The following MAGI2 variants were observed in gnomAD, a reference collection of about 807,000 sequenced individuals.
The protein encoded by MAGI2 is membrane associated guanylate kinase, WW and PDZ domain containing 2.
Under a neutral mutation model 133.3 loss-of-function variants are expected in MAGI2, and 35 were observed. The ratio of observed to expected loss-of-function variants is 0.26; its 90% CI spans 0.20 to 0.35. The LOEUF is 0.35. Ranked by LOEUF, MAGI2 falls within the 10% of genes least tolerant of loss-of-function variation. MAGI2 has a pLI of 1.00. For synonymous variants in MAGI2, 729 were observed against 710.6 expected (o/e 1.03, Z -0.41); for missense variants, 1,636 against 1,863.4 (o/e 0.88, Z 2.25).
At chr7:78,820,018 AG>A (rs1789949935) in intron 2 of MAGI2, among the ~76,000 whole-genome samples, 1 of 152,032 alleles carries the variant, frequency 6.6e-6, no homozygotes, top group African/African-American at 2.4e-5. Context: ...GTATGTGGGC[AG>A]GAAGAGTGAA....
intron 10 of MAGI2, among the ~76,000 whole-genome samples, chr7:78,209,808 G>A (rs1438668887): frequency 6.6e-6 from 1 of 152,106 alleles, no homozygotes; most frequent in East Asian, 1.9e-4. Flanking sequence ...AAACCTACAA[G>A]GCTCTGAAGA....
intron 1 of MAGI2, among the ~76,000 whole-genome samples, chr7:79,267,768 A>C (rs1834586902): frequency 6.6e-6 from 1 of 152,180 alleles, no homozygotes; most frequent in Admixed American, 6.5e-5. Flanking sequence ...AATCATACAA[A>C]ATTTGAGACT....
At chr7:79,010,386 T>A (rs1031249847) in intron 1 of MAGI2, among the ~76,000 whole-genome samples, 1 of 152,106 alleles carries the variant, frequency 6.6e-6, no homozygotes, top group African/African-American at 2.4e-5. Flanking sequence ...GGCAATGATG[T>A]CCTCAAAAAG....
chr7:78,549,556 G>A (rs895274068), intron 3 of MAGI2, among the ~76,000 whole-genome samples: 3 of 152,004 alleles, frequency 2.0e-5, no homozygotes, highest in Admixed American at 2.0e-4. Flanking sequence ...GGCTCATAGT[G>A]CTCCATGGAG....
chr7:78,854,194 C>T (rs1404299761), intron 2 of MAGI2, among the ~76,000 whole-genome samples: 2 of 151,986 alleles, frequency 1.3e-5, no homozygotes, highest in Non-Finnish European at 2.9e-5. Flanking sequence ...AAAATAAATA[C>T]AACAAATATT....
intron 6 of MAGI2, among the ~76,000 whole-genome samples, chr7:78,375,401 C>T (rs1794346881): frequency 6.6e-6 from 1 of 151,926 alleles, no homozygotes; most frequent in Non-Finnish European, 1.5e-5. Context: ...TATGTAAATT[C>T]ATGTAAGGTT....
intron 21 of MAGI2, among the ~76,000 whole-genome samples, chr7:78,038,470 C>T (rs940199156): frequency 2.6e-5 from 4 of 152,176 alleles, no homozygotes; most frequent in Admixed American, 6.5e-5. Flanking sequence ...AAGGCTATCA[C>T]ATGCTTTGTA....
intron 1 of MAGI2, among the ~76,000 whole-genome samples, chr7:79,017,007 T>C (rs1253545566): frequency 6.6e-6 from 1 of 152,250 alleles, no homozygotes; most frequent in Non-Finnish European, 1.5e-5. Flanking sequence ...AGTGGTGCCC[T>C]GCCAACACTG....
chr7:78,833,001 C>T (rs922618812), intron 2 of MAGI2, among the ~76,000 whole-genome samples: 16 of 152,136 alleles, frequency 1.1e-4, no homozygotes, highest in South Asian at 4.1e-4. Context: ...CATCTTGCCA[C>T]GGCTCTTCTA....
intron 11 of MAGI2, among the ~76,000 whole-genome samples, chr7:78,196,881 G>A (rs1828789751): frequency 6.6e-6 from 1 of 152,230 alleles, no homozygotes; most frequent in Non-Finnish European, 1.5e-5. Context: ...ATTTCCTCCT[G>A]TGAAACATAA....
At chr7:78,272,956 G>T (rs1339732663) in intron 9 of MAGI2, among the ~76,000 whole-genome samples, 1 of 152,126 alleles carries the variant, frequency 6.6e-6, no homozygotes, top group African/African-American at 2.4e-5. Context: ...GGTTAATATT[G>T]TTATGTATGA....
intron 1 of MAGI2, among the ~76,000 whole-genome samples, chr7:79,341,503 A>C (rs6466602): frequency 0.95 from 144,306 of 152,154 alleles, 68,582 homozygotes; most frequent in Non-Finnish European, 0.98. Flanking sequence ...TTTGGTTAAT[A>C]TCTGCACTCA....
chr7:79,389,856 G>T lies in MAGI2; in HGVS notation c.301+63164C>A, dbSNP rs558895508. ...TCCTGAGTCTAGAGCTATCCCCATG[G>T]TTCCAATAGCTTAGAGAAGTTGACA... is the stretch of plus-strand genomic sequence containing the variant. On this transcript the variant is annotated intron_variant, in intron 1 of 21. Transcript: ENST00000354212. 1.2e-3 allele frequency among the ~76,000 whole-genome samples: 181 copies of T among 152,152 alleles called. 1 individual carries two copies. The highest frequency in any genetic ancestry group is 6.8e-3 in the Middle Eastern group (2 of 294).
chr7:78,350,679 A>G (rs987240788), intron 7 of MAGI2: 3 of 152,244 alleles, frequency 2.0e-5, no homozygotes, highest in South Asian at 2.1e-4. Context: ...ATTAGAGGCC[A>G]TGCTGCCAAA....
rs1241589276 is a variant in MAGI2, at chr7:78,729,405, G to C, written c.419-102166C>G. 3.9e-5 allele frequency among the ~76,000 whole-genome samples: 6 copies of C among 152,300 alleles called. No homozygotes were observed. In the South Asian group the frequency reaches 8.3e-4, roughly 21 times the overall value. Reference sequence around the variant, plus strand: ...ATCTAATGAAACTAAAAGTCAATCAGGATGGAGTTGGCATAGTACTGAAAG... The same window carrying C: ...ATCTAATGAAACTAAAAGTCAATCACGATGGAGTTGGCATAGTACTGAAAG... On this transcript the variant is annotated intron_variant, in intron 2 of 21. Coordinates refer to ENST00000354212, the MANE Select transcript of MAGI2 (RefSeq NM_012301.4).
intron 6 of MAGI2, among the ~76,000 whole-genome samples, chr7:78,382,006 G>A (rs12705416): frequency 0.21 from 31,972 of 152,026 alleles, 3,787 homozygotes; most frequent in East Asian, 0.43. Context: ...TATTCAATGC[G>A]TCATTATTTT....
chr7:79,138,080 T>C (rs10245876), intron 1 of MAGI2, among the ~76,000 whole-genome samples: 123,528 of 152,078 alleles, frequency 0.81, 50,549 homozygotes, highest in Non-Finnish European at 0.85. Flanking sequence ...AATGGATTCT[T>C]CCCTAGAGTC....
At position 79,425,940 on chromosome 7, in the gene MAGI2, G is replaced by A. The variant is rs1039111322; in HGVS notation, c.301+27080C>T. Among the ~76,000 whole-genome samples, 5 of 152,100 alleles carry A rather than the reference G, an allele frequency of 3.3e-5. No individual in the cohort carries two copies. In the East Asian group the frequency reaches 9.7e-4, roughly 29 times the overall value. ...ACTCAGTGTTTGAACTTGAATAAAA[G>A]GCACCACATAATTTTTAAAAAAGAA... On this transcript the variant is annotated intron_variant, in intron 1 of 21. Coordinates refer to ENST00000354212, the MANE Select transcript of MAGI2 (RefSeq NM_012301.4).
chr7:78,605,570 C>T (rs1805717126), intron 3 of MAGI2, among the ~76,000 whole-genome samples: 1 of 152,114 alleles, frequency 6.6e-6, no homozygotes, highest in African/African-American at 2.4e-5. Flanking sequence ...GACAAAAAAA[C>T]TGCCAAATCA....
Sources: gnomAD v4.1 joint callset for allele counts (sites outside exome capture counted in the v4.1 genomes callset) on GRCh38, gnomAD v4.1.1 for gene constraint, MANE v1.5 for transcripts, NCBI Gene and HGNC (gene_info 2026-07-23, HGNC 2026-07-21) for gene names.